ZNF362: variants seen among roughly 807,000 people sequenced by gnomAD.
ZNF362 encodes rotund homolog.
A neutral mutation model predicts 42.9 loss-of-function variants in ZNF362; 11 were observed. That is an observed-to-expected ratio of 0.26 (90% CI 0.16 to 0.42). The LOEUF (loss-of-function observed/expected upper bound fraction) is 0.42. Ranked by LOEUF, ZNF362 falls within the 20% of genes least tolerant of loss-of-function variation. The pLI is 1.00. For missense variants in ZNF362, 362 were observed against 576.2 expected (o/e 0.63, Z 3.81); for synonymous variants, 255 against 257.3 (o/e 0.99, Z 0.09).
chr1:33,279,533 T>G (rs1645975410), intron 4 of ZNF362, among the ~76,000 whole-genome samples: 1 of 152,168 alleles, frequency 6.6e-6, no homozygotes, highest in Non-Finnish European at 1.5e-5. Flanking sequence ...TTTCATGATT[T>G]TGTTTGCTTC....
chr1:33,269,175 A>G (rs554580150), intron 1 of ZNF362, among the ~76,000 whole-genome samples: 1 of 152,198 alleles, frequency 6.6e-6, no homozygotes, highest in Non-Finnish European at 1.5e-5. Context: ...CCTGCCCACC[A>G]GCAGCTGACC....
chr1:33,243,108 A>ATTATGTTATGTTATGTTATG, the ZNF362 span, among the ~76,000 whole-genome samples: 380 of 144,544 alleles, frequency 2.6e-3, 3 homozygotes, highest in African/African-American at 6.9e-3. Context: ...CACAACTGTT[A>ATTATGTTATGTTATGTTATG]TTATGTTATG....
upstream of ZNF362, among the ~76,000 whole-genome samples, chr1:33,255,704 C>G (rs1260040829): frequency 2.0e-5 from 3 of 152,276 alleles, no homozygotes; most frequent in East Asian, 5.8e-4. Context: ...GTCGGGGATC[C>G]GGCCTAGGGC....
At chr1:33,151,462 C>T in the ZNF362 span, among the ~76,000 whole-genome samples, 10 of 152,072 alleles carry the variant, frequency 6.6e-5, no homozygotes, top group African/African-American at 2.2e-4. Flanking sequence ...GCTCCCTCCC[C>T]GAGGCTAGGG....
the ZNF362 span, among the ~76,000 whole-genome samples, chr1:33,241,683 C>T: frequency 2.0e-5 from 3 of 152,096 alleles, no homozygotes; most frequent in African/African-American, 4.8e-5. Context: ...AAAAAACGAT[C>T]AAATCTCAAA....
chr1:33,250,771 AG>A, the ZNF362 span, among the ~76,000 whole-genome samples: 4 of 151,714 alleles, frequency 2.6e-5, no homozygotes, highest in Non-Finnish European at 5.9e-5. Context: ...AGAAAGAAGA[AG>A]GAAGAAGAAA....
the ZNF362 span, among the ~76,000 whole-genome samples, chr1:33,202,266 T>C: frequency 2.0e-4 from 30 of 152,322 alleles, no homozygotes; most frequent in Middle Eastern, 3.4e-3. Flanking sequence ...ATTCATCCTA[T>C]AAAACCAGCA....
intron 2 of ZNF362, among the ~76,000 whole-genome samples, chr1:33,273,117 G>T (rs542626828): frequency 6.6e-6 from 1 of 152,250 alleles, no homozygotes; most frequent in Non-Finnish European, 1.5e-5. Flanking sequence ...TCAAAGGCAT[G>T]TTGGGAGTCT....
At chr1:33,173,669 A>G in the ZNF362 span, among the ~76,000 whole-genome samples, 7 of 120,258 alleles carry the variant, frequency 5.8e-5, no homozygotes, top group African/African-American at 1.9e-4. Flanking sequence ...CCTTAAGCAC[A>G]GTTTCTTTCT....
At chr1:33,144,897 G>C in the ZNF362 span, among the ~76,000 whole-genome samples, 3 of 152,194 alleles carry the variant, frequency 2.0e-5, no homozygotes, top group African/African-American at 7.2e-5. Context: ...GAGGCAGCTG[G>C]GGGGATAGGG....
the ZNF362 span, chr1:33,165,453 C>T: frequency 1.3e-6 from 2 of 1,571,610 alleles, no homozygotes; most frequent in Non-Finnish European, 1.7e-6. The surrounding 1 kb of genome is among the most constrained non-coding windows in gnomAD (Gnocchi z 4.0). Flanking sequence ...CCCACCTCCG[C>T]GCCCCGGCCA....
chr1:33,215,112 G>C, the ZNF362 span, among the ~76,000 whole-genome samples: 1 of 152,064 alleles, frequency 6.6e-6, no homozygotes, highest in African/African-American at 2.4e-5. Context: ...CCAAATAGAT[G>C]AATAAATAAA....
In ZNF362 at chr1:33,280,099, T is replaced by C. The variant is rs758487576; in HGVS notation, c.350-25T>C. 23 of 1,543,052 alleles carry C rather than the reference T, an allele frequency of 1.5e-5. No individual in the cohort carries two copies. The highest frequency in any genetic ancestry group is 1.8e-5 in the Non-Finnish European group (21 of 1,139,862). ...TGGCCTCTGCAGCTCCGCTCACCCC[T>C]GCCCCCACCCACCTGTCTTCGCAGG... On this transcript the variant is annotated intron_variant, in intron 4 of 8. Coordinates refer to ENST00000539719, the MANE Select transcript of ZNF362 (RefSeq NM_152493.3). This position sits in a 1 kb window ranked among gnomAD's most constrained non-coding sequence, Gnocchi z 5.6.
the ZNF362 span, among the ~76,000 whole-genome samples, chr1:33,222,216 A>G: frequency 6.6e-6 from 1 of 152,088 alleles, no homozygotes; most frequent in Non-Finnish European, 1.5e-5. Flanking sequence ...CTTGACCTTT[A>G]TCTCCAAAAC....
chr1:33,225,742 G>A, the ZNF362 span, among the ~76,000 whole-genome samples: 1 of 152,100 alleles, frequency 6.6e-6, no homozygotes, highest in East Asian at 1.9e-4. Context: ...TCATCCAGAG[G>A]CAAGACTTCT....
chr1:33,155,842 A>G, the ZNF362 span, among the ~76,000 whole-genome samples: 1 of 152,204 alleles, frequency 6.6e-6, no homozygotes, highest in Non-Finnish European at 1.5e-5. Context: ...TTGGGAAGGC[A>G]CTGATTTCCC....
At chr1:33,161,370 T>C in the ZNF362 span, among the ~76,000 whole-genome samples, 1 of 151,972 alleles carries the variant, frequency 6.6e-6, no homozygotes, top group Admixed American at 6.6e-5. This position sits in a 1 kb window ranked among gnomAD's most constrained non-coding sequence, Gnocchi z 4.3. Flanking sequence ...CAGCAGCATG[T>C]GGGGCCTGCC....
At chr1:33,185,950 G>A in the ZNF362 span, among the ~76,000 whole-genome samples, 1 of 151,984 alleles carries the variant, frequency 6.6e-6, no homozygotes, top group Non-Finnish European at 1.5e-5. Context: ...GATTATGGGG[G>A]ACTTTAACTT....
chr1:33,165,439 CG>C, the ZNF362 span: 2 of 1,544,474 alleles, frequency 1.3e-6, no homozygotes, highest in Admixed American at 3.9e-5. This position sits in a 1 kb window ranked among gnomAD's most constrained non-coding sequence, Gnocchi z 4.0. Flanking sequence ...TCATCTCTGC[CG>C]GCCCCACCTC....
Sources: gnomAD v4.1 joint callset for allele counts (sites outside exome capture counted in the v4.1 genomes callset) on GRCh38, gnomAD v4.1.1 for gene constraint, Gnocchi (gnomAD v3.1) non-coding constraint, MANE v1.5 for transcripts, NCBI Gene and HGNC (gene_info 2026-07-23, HGNC 2026-07-21) for gene names.